KISS1R: variants seen among roughly 807,000 people sequenced by gnomAD.
The protein encoded by KISS1R is KISS1 receptor, also known as kiSS-1 receptor.
In KISS1R, 19 loss-of-function variants were observed where a neutral mutation model predicts 22.0. The ratio of observed to expected loss-of-function variants is 0.86; its 90% confidence interval spans 0.60 to 1.26. KISS1R has a LOEUF of 1.26. Ranked by LOEUF, KISS1R falls within the 50% of genes most tolerant of loss-of-function variation. The probability of loss-of-function intolerance (pLI) is 0.00; values close to 1 mark genes in which losing one functional copy is unlikely to be tolerated. For missense variants in KISS1R, 653 were observed against 581.9 expected (o/e 1.12, Z -1.26); for synonymous variants, 302 against 283.9 (o/e 1.06, Z -0.64).
In KISS1R at chr19:920,843, A is replaced by G. The variant is rs1599371592; in HGVS notation, c.*95A>G. ...TTATTAGTATTTTTCTTACTGTCCA[A>G]GATCAACTGTGGAAATATTTTGGTC... is the stretch of plus-strand genomic sequence containing the variant. On this transcript the variant is annotated 3_prime_UTR_variant, in exon 5 of 5. Coordinates refer to ENST00000234371, the MANE Select transcript of KISS1R (RefSeq NM_032551.5). 2 of 1,216,416 alleles carry G rather than the reference A, an allele frequency of 1.6e-6. No homozygotes were observed. Among genetic ancestry groups the G allele is most frequent in the East Asian group, 3.2e-5 (1 of 30,918 alleles). The allele number at this position is 1,216,416 out of a possible 1,614,324, so 75.4% of individuals were successfully genotyped here.
rs1050031861 is a variant in KISS1R at position 919,865 on chromosome 19, G to T, written c.506-9G>T. Reference sequence around the variant, plus strand: ...CCGAGCGGGGTCTTCATCCTGGCTTGTGGCACAGGCTCTGCGGCGGTGTCT... The same window carrying T: ...CCGAGCGGGGTCTTCATCCTGGCTTTTGGCACAGGCTCTGCGGCGGTGTCT... On this transcript the variant is annotated splice_polypyrimidine_tract_variant and intron_variant, in intron 3 of 4. Transcript: ENST00000234371. The T allele has an allele frequency of 2.1e-5, 33 of 1,536,882 alleles. No homozygotes were observed. The highest frequency in any genetic ancestry group is 2.8e-5 in the Non-Finnish European group (32 of 1,146,386).
chr19:920,325 G>C lies in KISS1R; in HGVS notation c.774G>C (p.Arg258=). 1 of 1,566,512 alleles carries C rather than the reference G, an allele frequency of 6.4e-7. No individual in the cohort carries two copies. ...QVLAERAGAV[R]AKVSRLVAAV... ...TGGCAGAGCGCGCAGGCGCCGTGCG[G>C]GCCAAGGTCTCGCGGCTGGTGGCGG... The change falls in exon 5 of 5, where the codon CGG becomes CGC. Residue 258 remains arginine (R), a synonymous_variant. Coordinates refer to ENST00000234371, the MANE Select transcript of KISS1R (RefSeq NM_032551.5).
rs748774983 is a variant in KISS1R at position 918,028 on chromosome 19, G to C, written c.244+282G>C. Among the ~76,000 whole-genome samples, 53 of 152,328 alleles carry C rather than the reference G, an allele frequency of 3.5e-4. 1 individual carries two copies. Among genetic ancestry groups the C allele is most frequent in the Middle Eastern group, 6.8e-3 (2 of 294 alleles). Reference sequence around the variant, plus strand: ...CGGGGCTCGCCCCGGTGCAGCGCGGGCCAACGGCTCGGTGTCAGCTGAACA... The same window carrying C: ...CGGGGCTCGCCCCGGTGCAGCGCGGCCCAACGGCTCGGTGTCAGCTGAACA... On this transcript the variant is annotated intron_variant, in intron 1 of 4. Coordinates refer to ENST00000234371, the MANE Select transcript of KISS1R (RefSeq NM_032551.5).
chr19:918,402 C>G (rs534433798), intron 1 of KISS1R, 142 bp from the exon 2 acceptor site: 1 of 901,092 alleles, frequency 1.1e-6, no homozygotes, highest in Non-Finnish European at 1.5e-6. Context: ...AGGCCAGGGG[C>G]GCTGGGGGAG....
chr19:917,513 TGGCTACGTCC>T lies in KISS1R; in HGVS notation c.14_23del (p.Ala5AspfsTer45). 6.7e-7 allele frequency: 1 copy of T among 1,490,362 alleles called. No individual in the cohort carries two copies. Among genetic ancestry groups the T allele is most frequent in the Non-Finnish European group, 8.9e-7 (1 of 1,125,852 alleles). 92.3% of individuals were successfully genotyped at this position (1,490,362 alleles called of 1,614,324 possible). Reference sequence around the variant, plus strand: ...GAGGTGCGCGCGGCCATGCACACCGTGGCTACGTCCGGACCCAACGCGTCCTGGGGGGCAC... The same window carrying T: ...GAGGTGCGCGCGGCCATGCACACCGTGGACCCAACGCGTCCTGGGGGGCAC... On this transcript the variant is annotated frameshift_variant, in exon 1 of 5. Transcript: ENST00000234371. LOFTEE classifies it high-confidence loss of function.
chr19:918,782 G>A (rs2037083902), intron 2 of KISS1R, 114 bp downstream of exon 2: 1 of 1,177,886 alleles, frequency 8.5e-7, no homozygotes, highest in African/African-American at 1.6e-5. Context: ...CTCCGCAGTG[G>A]GAGGGGAGGG....
In KISS1R at chr19:920,504, T is replaced by G; in HGVS notation, c.953T>G (p.Leu318Arg). Residue 318 changes from leucine (L) to arginine (R), a missense_variant, in exon 5 of 5, where the codon CTG (leucine) becomes CGG (arginine). By Grantham distance (102) the Leu-to-Arg change is moderately radical (BLOSUM62 -2). Coordinates refer to ENST00000234371, the MANE Select transcript of KISS1R (RefSeq NM_032551.5). The stretch of plus-strand genomic sequence containing the variant: ...TGCATGTCCTACAGCAACTCCGCGC[T>G]GAACCCGCTGCTCTACGCCTTCCTG... The part of the protein sequence containing the change: ...AHCMSYSNSA[L>R]NPLLYAFLGS... 6.2e-7 allele frequency: 1 copy of G among 1,609,072 alleles called. No homozygotes were observed. Among genetic ancestry groups the G allele is most frequent in the East Asian group, 2.3e-5 (1 of 44,426 alleles).
At chr19:917,798 C>T (rs748509699) in intron 1 of KISS1R, 52 bp downstream of exon 1, 2 of 1,551,524 alleles carry the variant, frequency 1.3e-6, no homozygotes, top group Non-Finnish European at 1.7e-6. Context: ...GCTCCGAGGG[C>T]CGAGCGGCCT....
intron 2 of KISS1R, 42 bp downstream of exon 2, chr19:918,710 G>C: frequency 1.9e-6 from 3 of 1,541,274 alleles, no homozygotes; most frequent in Non-Finnish European, 1.7e-6. Flanking sequence ...ACTTGGGGAC[G>C]GGCGGGGGTG....
rs1281429542 is a variant in KISS1R, at chr19:918,628, T to G, written c.329T>G (p.Leu110Arg). The G allele has an allele frequency of 6.4e-7, 1 of 1,551,184 alleles. No homozygotes were observed. The highest frequency in any genetic ancestry group is 8.7e-7 in the Non-Finnish European group (1 of 1,147,034). Residue 110 changes from leucine to arginine, a missense_variant, in exon 2 of 5, where the codon CTG becomes CGG. Physicochemically the swap from Leu to Arg is moderately radical, Grantham distance 102 (BLOSUM62 -2). Transcript: ENST00000234371. Reference sequence around the variant, plus strand: ...CTGTACCCGCTGCCCGGCTGGGTGCTGGGCGACTTCATGTGCAAGTTCGTC... The same window carrying G: ...CTGTACCCGCTGCCCGGCTGGGTGCGGGGCGACTTCATGTGCAAGTTCGTC... ...ALLYPLPGWV[L>R]GDFMCKFVNY...
Position 919,656 on chromosome 19 carries a change from A to G in KISS1R, c.505+31A>G, listed in dbSNP as rs350130. On this transcript the variant is annotated intron_variant, in intron 3 of 4. Coordinates refer to ENST00000234371, the MANE Select transcript of KISS1R (RefSeq NM_032551.5). ...TACAGCTCAGGGGCCTCACGGGAGA[A>G]GGCGGACACGTCCTAGTGCCCTGGG... is the stretch of plus-strand genomic sequence containing the variant. The G allele has an allele frequency of 5.6e-3, 8,711 of 1,542,310 alleles. 453 individuals are homozygous for G. In the African/African-American group the frequency reaches 0.1, roughly 19 times the overall value.
intron 1 of KISS1R, among the ~76,000 whole-genome samples, chr19:918,103 C>T (rs1163566490): frequency 6.6e-6 from 1 of 152,126 alleles, no homozygotes; most frequent in Non-Finnish European, 1.5e-5. Flanking sequence ...GTTTGCGACC[C>T]CTGCCCCGGT....
chr19:918,287 C>T (rs967119449), intron 1 of KISS1R, among the ~76,000 whole-genome samples: 2 of 152,222 alleles, frequency 1.3e-5, no homozygotes, highest in Admixed American at 1.3e-4. Flanking sequence ...CAGGGCCCAG[C>T]AGAACCGATT....
In KISS1R at chr19:919,991, A is replaced by G. The variant is rs970373223; in HGVS notation, c.623A>G (p.Asn208Ser). ...RALERAFALYNLLALYLLPLL... is the reference protein window; with the variant it reads ...RALERAFALYSLLALYLLPLL... ...CTGGAGCGCGCCTTCGCACTGTACA[A>G]CCTGCTGGCGCTGTACCTGCTGCCG... Residue 208 changes from asparagine to serine, a missense_variant, in exon 4 of 5, where the codon AAC (asparagine) becomes AGC (serine). Transcript: ENST00000234371. The G allele has an allele frequency of 1.9e-6, 3 of 1,560,228 alleles. No individual in the cohort carries two copies. The highest frequency in any genetic ancestry group is 1.8e-5 in the Admixed American group (1 of 54,282).
chr19:919,503 C>T lies in KISS1R; in HGVS notation c.383C>T (p.Ala128Val), dbSNP rs761411233. 1.9e-5 allele frequency: 30 copies of T among 1,553,884 alleles called. No individual in the cohort carries two copies. Among genetic ancestry groups the T allele is most frequent in the Non-Finnish European group, 2.2e-5 (25 of 1,155,154 alleles). ...CGGCTCCCGCAGGTCTCGGTGCAGGCCACGTGTGCCACTCTGACCGCCATG... is the reference window on the plus strand; with the variant it reads ...CGGCTCCCGCAGGTCTCGGTGCAGGTCACGTGTGCCACTCTGACCGCCATG... ...VNYIQQVSVQ[A>V]TCATLTAMSV... The change falls in exon 3 of 5, where the codon GCC becomes GTC. Residue 128 changes from alanine to valine, a missense_variant. Ala to Val is a moderately conservative substitution (Grantham distance 64, BLOSUM62 0). Transcript: ENST00000234371.
rs750807042 is a variant in KISS1R at position 920,517 on chromosome 19, C to T, written c.966C>T (p.Leu322=). ...GCAACTCCGCGCTGAACCCGCTGCT[C>T]TACGCCTTCCTGGGCTCGCACTTCC... ...SYSNSALNPL[L]YAFLGSHFRQ... is the part of the protein sequence containing the mutation. The change falls in exon 5 of 5, where the codon CTC becomes CTT. Residue 322 remains leucine (L), a synonymous_variant. Transcript: ENST00000234371. 1.7e-5 allele frequency: 28 copies of T among 1,604,238 alleles called. No individual in the cohort carries two copies. The highest frequency in any genetic ancestry group is 2.1e-5 in the Non-Finnish European group (25 of 1,177,022).
rs569691962 is a variant in KISS1R at position 920,754 on chromosome 19, C to G, written c.*6C>G. The G allele has an allele frequency of 8.6e-6, 11 of 1,276,724 alleles. No homozygotes were observed. The highest frequency in any genetic ancestry group is 2.0e-4 in the Middle Eastern group (1 of 4,916). 79.1% of individuals were successfully genotyped at this position (1,276,724 alleles called of 1,614,324 possible). A position where few individuals can be genotyped will look rare whatever the true frequency, so the allele number is the denominator to read the frequency against. On this transcript the variant is annotated 3_prime_UTR_variant, in exon 5 of 5. Coordinates refer to ENST00000234371, the MANE Select transcript of KISS1R (RefSeq NM_032551.5). ...AGGACAACGCCCCTCTCTGAGCGGA[C>G]CCGGTGGGAATCCGAGCGGCTCCCT...
At position 919,473 on chromosome 19, in the gene KISS1R, G is replaced by C; in HGVS notation, c.370-17G>C. The C allele has an allele frequency of 6.5e-7, 1 of 1,543,470 alleles. No individual in the cohort carries two copies. The highest frequency in any genetic ancestry group is 8.7e-7 in the Non-Finnish European group (1 of 1,150,840). On this transcript the variant is annotated splice_polypyrimidine_tract_variant and intron_variant, in intron 2 of 4. Transcript: ENST00000234371. ...AACCGCGCAGGTGGCCACACGCCCG[G>C]CTGGCGGCTCCCGCAGGTCTCGGTG... is the stretch of plus-strand genomic sequence containing the variant.
intron 1 of KISS1R, 137 bp from the exon 2 acceptor site, chr19:918,405 TGG>T (rs950424827): frequency 1.2e-5 from 10 of 822,114 alleles, no homozygotes; most frequent in Non-Finnish European, 1.5e-5. Flanking sequence ...CCAGGGGCGC[TGG>T]GGGAGGGGGG....
Sources: allele counts gnomAD v4.1 joint callset (sites outside exome capture counted in the v4.1 genomes callset), GRCh38; gene constraint gnomAD v4.1.1; transcripts MANE v1.5; gene names NCBI Gene and HGNC (gene_info 2026-07-23, HGNC 2026-07-21).